Variants in SLC1A3 observed in about 807,000 individuals in gnomAD.
The protein encoded by SLC1A3 is solute carrier family 1 member 3, also known as excitatory amino acid transporter 1.
SLC1A3 carries 21 observed loss-of-function variants against 48.1 expected under a neutral mutation model. That is an observed-to-expected ratio of 0.44 (90% CI 0.31 to 0.63). The LOEUF (loss-of-function observed/expected upper bound fraction) is 0.63, where lower values mean the gene tolerates loss of function less well. SLC1A3 is among the 20% of genes least tolerant of loss of function. The probability of loss-of-function intolerance (pLI) is 0.08; values close to 1 mark genes in which losing one functional copy is unlikely to be tolerated. For missense variants in SLC1A3, 546 were observed against 689.0 expected, an observed-to-expected ratio of 0.79 and a Z score of 2.32; for synonymous variants, 239 against 251.4, an observed-to-expected ratio of 0.95 and a Z score of 0.47.
At position 36,688,276 on chromosome 5, in the gene SLC1A3, CT is replaced by C. The variant is rs1183951916; in HGVS notation, c.*2008del. Reference sequence around the variant, plus strand: ...TGCATACACATGCACTCAGTGTGGACTGGGAAGCATTACTTTGTAGATGTAT... The same window carrying C: ...TGCATACACATGCACTCAGTGTGGACGGGAAGCATTACTTTGTAGATGTAT... On this transcript the variant is annotated 3_prime_UTR_variant, in exon 10 of 10. Coordinates refer to ENST00000265113, the MANE Select transcript of SLC1A3 (RefSeq NM_004172.5). The C allele has an allele frequency of 1.3e-5, 2 of 152,124 alleles. No individual in the cohort carries two copies. The highest frequency in any genetic ancestry group is 2.9e-5 in the Non-Finnish European group (2 of 68,022). The allele number at this position is 152,124 out of a possible 1,614,324, so 9.4% of individuals were successfully genotyped here. A position where few individuals can be genotyped will look rare whatever the true frequency, so the allele number is the denominator to read the frequency against.
chr5:36,608,097 G>A, intron 1 of SLC1A3: 1 of 271,112 alleles, frequency 3.7e-6, no homozygotes, highest in Non-Finnish European at 7.1e-6. Flanking sequence ...CATTGGAAGG[G>A]GAAGGACGGA....
Position 36,638,958 on chromosome 5 carries a change from G to A in SLC1A3, c.319+9371G>A, listed in dbSNP as rs934140469. ...TGGGATTATAGGCATGAGTCACCGCGCCTGGCTAGTTATTTTTAATCACAA... is the reference window on the plus strand; with the variant it reads ...TGGGATTATAGGCATGAGTCACCGCACCTGGCTAGTTATTTTTAATCACAA... On this transcript the variant is annotated intron_variant, in intron 3 of 9. Transcript: ENST00000265113. Among the ~76,000 whole-genome samples the A allele has an allele frequency of 1.1e-4, 16 of 152,276 alleles. 1 individual carries two copies. The highest frequency in any genetic ancestry group is 3.4e-4 in the African/African-American group (14 of 41,544).
At chr5:36,611,594 T>C (rs1413043254) in intron 2 of SLC1A3, among the ~76,000 whole-genome samples, 1 of 152,168 alleles carries the variant, frequency 6.6e-6, no homozygotes, top group African/African-American at 2.4e-5. Context: ...CAAAAGCTCA[T>C]GTAACAAGAG....
chr5:36,626,254 A>G (rs1340438418), intron 2 of SLC1A3, among the ~76,000 whole-genome samples: 1 of 152,156 alleles, frequency 6.6e-6, no homozygotes, highest in African/African-American at 2.4e-5. Flanking sequence ...GATCAAGTGC[A>G]CCTAGTATTT....
rs567438578 is a variant in SLC1A3, at chr5:36,657,939, G to A, written c.320-13090G>A. Among the ~76,000 whole-genome samples, 4 of 152,336 alleles carry A rather than the reference G, an allele frequency of 2.6e-5. No individual in the cohort carries two copies. In the East Asian group the frequency reaches 7.7e-4, roughly 29 times the overall value. On this transcript the variant is annotated intron_variant, in intron 3 of 9. Coordinates refer to ENST00000265113, the MANE Select transcript of SLC1A3 (RefSeq NM_004172.5). ...TTTGGTTCTGAGCACATTCAGGAGA[G>A]GCTTTGACAAAGCAGAGTAGCTACT...
At chr5:36,612,586 C>T (rs1239657884) in intron 2 of SLC1A3, among the ~76,000 whole-genome samples, 1 of 143,076 alleles carries the variant, frequency 7.0e-6, no homozygotes, top group Non-Finnish European at 1.6e-5. Context: ...GAGACCCTGT[C>T]TCCAAATAAG....
upstream of SLC1A3, among the ~76,000 whole-genome samples, chr5:36,604,470 T>G (rs1356349899): frequency 6.6e-6 from 1 of 152,158 alleles, no homozygotes; most frequent in Non-Finnish European, 1.5e-5. Flanking sequence ...AAAGAGAAAG[T>G]GGTGCTTAAA....
At chr5:36,664,325 G>T (rs557465866) in intron 3 of SLC1A3, among the ~76,000 whole-genome samples, 61 of 152,112 alleles carry the variant, frequency 4.0e-4, no homozygotes, top group African/African-American at 1.3e-3. Context: ...TAGAGACAGG[G>T]TTTCACTATG....
Position 36,608,541 on chromosome 5 carries a change from G to T in SLC1A3, c.118G>T (p.Asp40Tyr). 6.2e-7 allele frequency: 1 copy of T among 1,614,074 alleles called. No homozygotes were observed. Among genetic ancestry groups the T allele is most frequent in the Non-Finnish European group, 8.5e-7 (1 of 1,179,934 alleles). The change falls in exon 2 of 10, where the codon GAT becomes TAT. Residue 40 changes from aspartate to tyrosine, a missense_variant. Asp to Tyr is a radical substitution (Grantham distance 160, BLOSUM62 -3). Coordinates refer to ENST00000265113, the MANE Select transcript of SLC1A3 (RefSeq NM_004172.5). Reference sequence around the variant, plus strand: ...GAAAGTGCAGAACATTACAAAGGAGGATGTTAAAAGTTACCTGTTTCGGAA... The same window carrying T: ...GAAAGTGCAGAACATTACAAAGGAGTATGTTAAAAGTTACCTGTTTCGGAA... ...KKKVQNITKE[D>Y]VKSYLFRNAF...
chr5:36,681,135 C>T (rs906739246), intron 8 of SLC1A3, among the ~76,000 whole-genome samples: 1 of 152,092 alleles, frequency 6.6e-6, no homozygotes, highest in Non-Finnish European at 1.5e-5. Context: ...GCCATCACAT[C>T]GCTCCACATC....
chr5:36,616,657 T>C (rs1739448848), intron 2 of SLC1A3, among the ~76,000 whole-genome samples: 3 of 152,188 alleles, frequency 2.0e-5, no homozygotes, highest in Admixed American at 2.0e-4. Context: ...GGCTCGTTTA[T>C]CCCTAATGAG....
intron 2 of SLC1A3, among the ~76,000 whole-genome samples, chr5:36,627,982 A>G (rs879777194): frequency 6.6e-6 from 1 of 152,208 alleles, no homozygotes; most frequent in African/African-American, 2.4e-5. Context: ...AACCTAGGCA[A>G]CACCCAGCAT....
At chr5:36,606,842 AT>A (rs1163444400) in intron 1 of SLC1A3, 107 bp downstream of exon 1, 1 of 152,362 alleles carries the variant, frequency 6.6e-6, no homozygotes, top group Non-Finnish European at 1.5e-5. Flanking sequence ...AAGGCTAGCC[AT>A]TTTGGTAGAT....
rs955942933 is a variant in SLC1A3, at chr5:36,683,945, T to C, written c.1371T>C (p.Ser457=). ...GLVTMVIVLT[S]VGLPTDDITL... Reference sequence around the variant, plus strand: ...TCACTATGGTCATTGTGCTGACATCTGTCGGCCTGCCCACTGACGACATCA... The same window carrying C: ...TCACTATGGTCATTGTGCTGACATCCGTCGGCCTGCCCACTGACGACATCA... Residue 457 remains serine, a synonymous_variant, in exon 9 of 10, where the codon TCT becomes TCC. Coordinates refer to ENST00000265113, the MANE Select transcript of SLC1A3 (RefSeq NM_004172.5). 3 of 1,614,100 alleles carry C rather than the reference T, an allele frequency of 1.9e-6. No individual in the cohort carries two copies. In the African/African-American group the frequency reaches 4.0e-5, roughly 22 times the overall value.
At chr5:36,668,800 A>G (rs1219404816) in intron 3 of SLC1A3, 1 of 152,192 alleles carries the variant, frequency 6.6e-6, no homozygotes, top group Non-Finnish European at 1.5e-5. Flanking sequence ...TTTATTTTCT[A>G]GAGTCGACAG....
intron 9 of SLC1A3, among the ~76,000 whole-genome samples, 190 bp downstream of exon 9, chr5:36,684,188 A>G (rs1243545090): frequency 2.0e-5 from 3 of 152,094 alleles, no homozygotes; most frequent in Admixed American, 1.3e-4. Context: ...TGCCATGTGC[A>G]CTCACTCCCC....
Position 36,686,977 on chromosome 5 carries a change from A to T in SLC1A3, c.*708A>T, listed in dbSNP as rs1257494962. 1 of 153,720 alleles carries T rather than the reference A, an allele frequency of 6.5e-6. No individual in the cohort carries two copies. The highest frequency in any genetic ancestry group is 1.9e-4 in the East Asian group (1 of 5,218). The allele number at this position is 153,720 out of a possible 1,614,324, so 9.5% of individuals were successfully genotyped here. ...CACCTGCCCTCTGTTTCCCCTCAGA[A>T]CACCCTGTACCATCCATGGAGCACG... On this transcript the variant is annotated 3_prime_UTR_variant, in exon 10 of 10. Coordinates refer to ENST00000265113, the MANE Select transcript of SLC1A3 (RefSeq NM_004172.5).
intron 4 of SLC1A3, among the ~76,000 whole-genome samples, chr5:36,671,816 G>A (rs955757812): frequency 8.5e-5 from 13 of 152,168 alleles, no homozygotes; most frequent in Admixed American, 2.0e-4. Flanking sequence ...CAAACCATAC[G>A]TTGATTACAA....
intron 3 of SLC1A3, among the ~76,000 whole-genome samples, chr5:36,653,977 G>A (rs772808211): frequency 2.6e-4 from 40 of 152,148 alleles, no homozygotes; most frequent in Non-Finnish European, 1.3e-4. Flanking sequence ...CTGAGTAGTT[G>A]GGATTACAGG....
Sources: allele counts gnomAD v4.1 joint callset (sites outside exome capture counted in the v4.1 genomes callset), GRCh38; gene constraint gnomAD v4.1.1; transcripts MANE v1.5; gene names NCBI Gene and HGNC (gene_info 2026-07-23, HGNC 2026-07-21).